SLFN11: variants seen among roughly 807,000 people sequenced by gnomAD.
SLFN11 encodes schlafen family member 11.
Under a neutral mutation model 53.4 loss-of-function variants are expected in SLFN11, and 43 were observed. The observed-to-expected ratio is 0.80, with a 90% confidence interval of 0.63 to 1.04. The LOEUF (loss-of-function observed/expected upper bound fraction) is 1.04, where lower values mean the gene tolerates loss of function less well. Among genes scored for constraint, SLFN11 ranks in the 50% least tolerant of loss-of-function variants. The pLI is 0.00. For missense variants in SLFN11, 990 were observed against 1,079.1 expected (o/e 0.92, Z 1.16); for synonymous variants, 389 against 394.7 (o/e 0.99, Z 0.17).
rs1906526961 is a variant in SLFN11, at chr17:35,350,311, T to C, written c.*2045A>G. ...CACTTATTTTACAAGACCATTTTTT[T>C]CAGTTTAATGAGACACAAACTCTCA... On this transcript the variant is annotated 3_prime_UTR_variant, in exon 7 of 7. Transcript: ENST00000685675. 1 of 152,202 alleles carries C rather than the reference T, an allele frequency of 6.6e-6. No homozygotes were observed. The highest frequency in any genetic ancestry group is 2.1e-4 in the South Asian group (1 of 4,834). 9.4% of individuals were successfully genotyped at this position (152,202 alleles called of 1,614,324 possible). A position where few individuals can be genotyped will look rare whatever the true frequency, so the allele number is the denominator to read the frequency against.
intron 1 of SLFN11, among the ~76,000 whole-genome samples, chr17:35,370,108 C>A (rs1770901798): frequency 6.6e-6 from 1 of 151,964 alleles, no homozygotes. Flanking sequence ...CTTAATTCAA[C>A]AATACATTAA....
chr17:35,356,208 C>T (rs1471700966), intron 5 of SLFN11, among the ~76,000 whole-genome samples: 2 of 152,074 alleles, frequency 1.3e-5, no homozygotes, highest in African/African-American at 4.8e-5. Context: ...AAATTATTGT[C>T]AATCAATGCT....
In SLFN11 at chr17:35,351,223, G is replaced by T. The variant is rs552674283; in HGVS notation, c.*1133C>A. On this transcript the variant is annotated 3_prime_UTR_variant, in exon 7 of 7. Transcript: ENST00000685675. ...CATGCCCTCTTGTTTGCATGCACAG[G>T]GAGGGAGGGAACAAGCTCTCTGGGG... 2.0e-5 allele frequency: 3 copies of T among 152,254 alleles called. No individual in the cohort carries two copies. Among genetic ancestry groups the T allele is most frequent in the African/African-American group, 7.2e-5 (3 of 41,446 alleles). The allele number at this position is 152,254 out of a possible 1,614,324, so 9.4% of individuals were successfully genotyped here.
At chr17:35,353,256 C>A in intron 6 of SLFN11, 80 bp downstream of exon 6, 4 of 1,604,860 alleles carry the variant, frequency 2.5e-6, no homozygotes, top group Middle Eastern at 1.7e-4. Flanking sequence ...CCACTCAATT[C>A]TCAAGAAAGA....
intron 5 of SLFN11, among the ~76,000 whole-genome samples, chr17:35,357,088 A>G (rs7212322): frequency 0.42 from 63,893 of 150,602 alleles, 15,298 homozygotes; most frequent in African/African-American, 0.64. Flanking sequence ...AAATGTTTCA[A>G]AGCTGTATGA....
rs1418874099 is a variant in SLFN11 at position 35,363,297 on chromosome 17, T to A, written c.511A>T (p.Lys171Ter). Residue 171 changes from lysine to a stop codon, truncating the protein, a stop_gained, in exon 4 of 7, where the codon AAG becomes TAG. Transcript: ENST00000685675. LOFTEE classifies it high-confidence loss of function. ...TTAGGGAGCTCTTGGTATACACCCT[T>A]GTGAATTTTGTGAAAAGGTCCTTCT... ...LEEGPFHKIH[K>*]GVYQELPNSD... 6.2e-7 allele frequency: 1 copy of A among 1,614,008 alleles called. No individual in the cohort carries two copies.
chr17:35,352,684 G>A lies in SLFN11; in HGVS notation c.2378C>T (p.Ala793Val). The stretch of plus-strand genomic sequence containing the variant: ...ATCAAAGAAGCGCCTGCACGTGTCT[G>A]CCACACAGGTCATTATTTGCTCCAC... Reference protein sequence around the residue: ...LTVEQIMTCVADTCRRFFDRG... With the variant: ...LTVEQIMTCVVDTCRRFFDRG... The change falls in exon 7 of 7, where the codon GCA (alanine) becomes GTA (valine). Residue 793 changes from alanine to valine, a missense_variant. Physicochemically the swap from Ala to Val is moderately conservative, Grantham distance 64. Coordinates refer to ENST00000685675, the MANE Select transcript of SLFN11 (RefSeq NM_001376007.1). 2 of 1,614,176 alleles carry A rather than the reference G, an allele frequency of 1.2e-6. No individual in the cohort carries two copies. The highest frequency in any genetic ancestry group is 1.7e-6 in the Non-Finnish European group (2 of 1,180,040).
At chr17:35,360,544 G>T (rs529469942) in intron 4 of SLFN11, among the ~76,000 whole-genome samples, 173 bp from the exon 5 acceptor site, 52 of 151,784 alleles carry the variant, frequency 3.4e-4, no homozygotes, top group Non-Finnish European at 6.6e-4. Flanking sequence ...GCATATCAAG[G>T]TTGCCAAAAC....
At chr17:35,365,188 G>A (rs1304269515) in intron 3 of SLFN11, among the ~76,000 whole-genome samples, 2 of 152,106 alleles carry the variant, frequency 1.3e-5, no homozygotes, top group African/African-American at 4.8e-5. Context: ...CGCTTTGGTG[G>A]GAGGAAGCTG....
chr17:35,368,752 G>T (rs1233088042), intron 1 of SLFN11, among the ~76,000 whole-genome samples: 3 of 152,070 alleles, frequency 2.0e-5, no homozygotes, highest in Admixed American at 6.6e-5. Flanking sequence ...CATTTGAGGA[G>T]AGAAGAGAGA....
At chr17:35,356,834 A>AC (rs879546211) in intron 5 of SLFN11, among the ~76,000 whole-genome samples, 2 of 150,438 alleles carry the variant, frequency 1.3e-5, no homozygotes, top group Non-Finnish European at 3.0e-5. Flanking sequence ...ACACACACAT[A>AC]ATAAAATCCC....
rs778810670 is a variant in SLFN11, at chr17:35,363,610, C to T, written c.198G>A (p.Lys66=). Residue 66 remains lysine (K), a synonymous_variant, in exon 4 of 7, where the codon AAG becomes AAA. Coordinates refer to ENST00000685675, the MANE Select transcript of SLFN11 (RefSeq NM_001376007.1). ...GTCCCATCTCCACGGGATGCTCAAC[C>T]TTCTTGGCCATTCGAATCACTCCTC... ...SGGGVIRMAK[K]VEHPVEMGLD... 5 of 1,613,800 alleles carry T rather than the reference C, an allele frequency of 3.1e-6. No homozygotes were observed. The Admixed American group carries it at 5.0e-5, about 16-fold the overall frequency.
At chr17:35,369,869 A>G (rs1002890498) in intron 1 of SLFN11, among the ~76,000 whole-genome samples, 16 of 152,162 alleles carry the variant, frequency 1.1e-4, no homozygotes, top group African/African-American at 3.9e-4. Flanking sequence ...CAAAGCCATA[A>G]TAAAAAGTCT....
Position 35,363,051 on chromosome 17 carries a change from T to C in SLFN11, c.757A>G (p.Lys253Glu). The C allele has an allele frequency of 6.2e-7, 1 of 1,614,054 alleles. No homozygotes were observed. Among genetic ancestry groups the C allele is most frequent in the Non-Finnish European group, 8.5e-7 (1 of 1,179,982 alleles). Residue 253 changes from lysine to glutamate, a missense_variant, in exon 4 of 7, where the codon AAG becomes GAG. Physicochemically the swap from Lys to Glu is moderately conservative, Grantham distance 56. Coordinates refer to ENST00000685675, the MANE Select transcript of SLFN11 (RefSeq NM_001376007.1). The stretch of plus-strand genomic sequence containing the variant: ...GCACATCCCAGGACTTCCCTACTCT[T>C]ATCATCCACTCCAATAAAAAGATAG... ...GGYLFIGVDD[K>E]SREVLGCAKE...
chr17:35,363,630 C>T lies in SLFN11; in HGVS notation c.178G>A (p.Val60Met). 6.2e-7 allele frequency: 1 copy of T among 1,613,682 alleles called. No individual in the cohort carries two copies. Among genetic ancestry groups the T allele is most frequent in the Non-Finnish European group, 8.5e-7 (1 of 1,179,686 alleles). Residue 60 changes from valine (V) to methionine (M), a missense_variant, in exon 4 of 7, where the codon GTG becomes ATG. Val to Met is a conservative substitution (Grantham distance 21). This residue lies in a region of SLFN11 where 521 missense variants were observed against 516.2 expected (regional missense o/e 1.01). Transcript: ENST00000685675. Reference protein sequence around the residue: ...ACALLNSGGGVIRMAKKVEHP... With the variant: ...ACALLNSGGGMIRMAKKVEHP... The stretch of plus-strand genomic sequence containing the variant: ...TCAACCTTCTTGGCCATTCGAATCA[C>T]TCCTCCTCCTGAGTTTAATAAAGCA...
At chr17:35,362,189 A>G (rs1908306814) in intron 4 of SLFN11, among the ~76,000 whole-genome samples, 1 of 152,102 alleles carries the variant, frequency 6.6e-6, no homozygotes, top group South Asian at 2.1e-4. Flanking sequence ...ATGGATTATC[A>G]CTAAATACAG....
chr17:35,361,873 T>G (rs1490013033), intron 4 of SLFN11, among the ~76,000 whole-genome samples: 1 of 151,970 alleles, frequency 6.6e-6, no homozygotes, highest in Non-Finnish European at 1.5e-5. Context: ...GCCTCCCAAG[T>G]AGCTGAGACC....
intron 4 of SLFN11, 138 bp from the exon 5 acceptor site, chr17:35,360,509 C>T (rs1908074370): frequency 1.2e-6 from 1 of 859,698 alleles, no homozygotes; most frequent in Non-Finnish European, 1.7e-6. Context: ...CTCTCACTCA[C>T]TTACTCTAGA....
chr17:35,360,434 T>C (rs2036492085), intron 4 of SLFN11, 63 bp from the exon 5 acceptor site: 7 of 1,443,160 alleles, frequency 4.9e-6, no homozygotes, highest in Non-Finnish European at 6.6e-6. Context: ...AGAGGCTCTA[T>C]CAGTAGGTGG....
Sources: allele counts gnomAD v4.1 joint callset (sites outside exome capture counted in the v4.1 genomes callset), GRCh38; gene constraint gnomAD v4.1.1; regional missense constraint gnomAD v4.1.1; transcripts MANE v1.5; gene names NCBI Gene and HGNC (gene_info 2026-07-23, HGNC 2026-07-21).